Variants in TSEN2 observed in about 807,000 individuals in gnomAD.
TSEN2 encodes tRNA-splicing endonuclease subunit Sen2.
A neutral mutation model predicts 59.2 loss-of-function variants in TSEN2; 54 were observed. The ratio of observed to expected loss-of-function variants is 0.91; its 90% confidence interval spans 0.73 to 1.14. The LOEUF (loss-of-function observed/expected upper bound fraction) is 1.14, where lower values mean the gene tolerates loss of function less well. TSEN2 is among the 50% of genes most tolerant of loss of function. The pLI is 0.00. For missense variants in TSEN2, 636 were observed against 576.2 expected, an observed-to-expected ratio of 1.10 and a Z score of -1.06; for synonymous variants, 195 against 198.2, an observed-to-expected ratio of 0.98 and a Z score of 0.14.
At chr3:12,507,691 C>T (rs564853434) in intron 6 of TSEN2, among the ~76,000 whole-genome samples, 1 of 152,228 alleles carries the variant, frequency 6.6e-6, no homozygotes, top group South Asian at 2.1e-4. Flanking sequence ...AAAGATAGCC[C>T]AGAAATCATT....
chr3:12,528,044 T>G (rs991000322), intron 8 of TSEN2, among the ~76,000 whole-genome samples: 1 of 152,206 alleles, frequency 6.6e-6, no homozygotes, highest in African/African-American at 2.4e-5. Context: ...TCCTCAGTAA[T>G]GGAGCAAACT....
rs145008140 is a variant in TSEN2, at chr3:12,530,857, A to G, written c.1249-713A>G. ...TTTTTTCTTCTCATCATTTCAAGAA[A>G]ACAATGTTGAAGTTTATTTGAAGAC... is the stretch of plus-strand genomic sequence containing the variant. On this transcript the variant is annotated intron_variant, in intron 10 of 11. Coordinates refer to ENST00000284995, the MANE Select transcript of TSEN2 (RefSeq NM_025265.4). The G allele has an allele frequency of 2.2e-4, 156 of 694,190 alleles. 1 individual carries two copies. In the South Asian group the frequency reaches 8.5e-3, roughly 38 times the overall value. The allele number at this position is 694,190 out of a possible 1,614,324, so 43.0% of individuals were successfully genotyped here.
chr3:12,486,225 T>G (rs2052599829), intron 1 of TSEN2, among the ~76,000 whole-genome samples: 1 of 152,184 alleles, frequency 6.6e-6, no homozygotes, highest in Non-Finnish European at 1.5e-5. Context: ...CTCTTCTTAT[T>G]TTACTCACAT....
intron 8 of TSEN2, among the ~76,000 whole-genome samples, chr3:12,519,475 G>A (rs1249704064): frequency 3.9e-5 from 6 of 152,212 alleles, no homozygotes; most frequent in Admixed American, 1.3e-4. Context: ...GCTGAGCGCC[G>A]TGGCTTACGC....
chr3:12,496,631 A>G, intron 4 of TSEN2, 77 bp downstream of exon 4: 1 of 1,435,736 alleles, frequency 7.0e-7, no homozygotes, highest in Non-Finnish European at 9.8e-7. Context: ...TGTCCCATGT[A>G]GCAGTCCAGT....
intron 6 of TSEN2, among the ~76,000 whole-genome samples, chr3:12,507,030 T>TA (rs1320195196): frequency 6.6e-6 from 1 of 151,916 alleles, no homozygotes; most frequent in African/African-American, 2.4e-5. Context: ...CCATCTCTAC[T>TA]AAAAATACAA....
At chr3:12,499,536 A>G (rs1217516134) in intron 4 of TSEN2, among the ~76,000 whole-genome samples, 1 of 152,224 alleles carries the variant, frequency 6.6e-6, no homozygotes, top group Non-Finnish European at 1.5e-5. Context: ...GCTTGCCTGC[A>G]TTACCTCCTT....
At chr3:12,491,556 C>T (rs1485868327) in intron 2 of TSEN2, among the ~76,000 whole-genome samples, 2 of 152,166 alleles carry the variant, frequency 1.3e-5, no homozygotes, top group African/African-American at 2.4e-5. Flanking sequence ...TCTGCCTGCC[C>T]TCGGCTTATC....
chr3:12,531,145 C>T (rs749094065), intron 10 of TSEN2: 12 of 175,112 alleles, frequency 6.9e-5, no homozygotes, highest in Non-Finnish European at 1.3e-4. Flanking sequence ...GGGGACCGTC[C>T]CCCATAATCT....
chr3:12,517,076 G>A (rs1170440418), intron 7 of TSEN2, among the ~76,000 whole-genome samples: 1 of 152,122 alleles, frequency 6.6e-6, no homozygotes, highest in African/African-American at 2.4e-5. Context: ...GGCCGGGCCC[G>A]GTGGCTCACG....
chr3:12,539,261 G>A (rs1575498003), exon 11 of TSEN2: 3 of 374,894 alleles, frequency 8.0e-6, no homozygotes, highest in East Asian at 1.8e-4. Context: ...AGCCTCCTGA[G>A]TAGCTGGGAT....
chr3:12,489,852 A>C lies in TSEN2; in HGVS notation c.52A>C (p.Thr18Pro). The C allele has an allele frequency of 1.2e-6, 2 of 1,614,018 alleles. No individual in the cohort carries two copies. Among genetic ancestry groups the C allele is most frequent in the Non-Finnish European group, 1.7e-6 (2 of 1,180,020 alleles). ...APKRKRRVYETYESPLPIPFG... is the reference protein window; with the variant it reads ...APKRKRRVYEPYESPLPIPFG... ...AAAGAGGAAAAGAAGAGTGTATGAG[A>C]CTTACGAGTCTCCATTGCCAATCCC... is the stretch of plus-strand genomic sequence containing the variant. Residue 18 changes from threonine to proline, a missense_variant, in exon 2 of 12, where the codon ACT becomes CCT. By Grantham distance (38) the Thr-to-Pro change is conservative. Coordinates refer to ENST00000284995, the MANE Select transcript of TSEN2 (RefSeq NM_025265.4).
intron 8 of TSEN2, among the ~76,000 whole-genome samples, chr3:12,524,230 C>T (rs1324654440): frequency 6.6e-6 from 1 of 152,188 alleles, no homozygotes; most frequent in Non-Finnish European, 1.5e-5. Flanking sequence ...CATGCAGGCC[C>T]CTGGCTTTGA....
In TSEN2 at chr3:12,520,172, G is replaced by A. The variant is rs1478514113; in HGVS notation, c.1099+975G>A. ...CGCCATCACACCCGGCTAATTTTTT[G>A]TATTGTTAGTACAGACAAGGTTTCC... On this transcript the variant is annotated intron_variant, in intron 8 of 11. Coordinates refer to ENST00000284995, the MANE Select transcript of TSEN2 (RefSeq NM_025265.4). 2.0e-5 allele frequency among the ~76,000 whole-genome samples: 3 copies of A among 151,990 alleles called. No homozygotes were observed. The East Asian group carries it at 5.8e-4, about 29-fold the overall frequency.
At chr3:12,509,591 G>A (rs1482472234) in intron 6 of TSEN2, among the ~76,000 whole-genome samples, 1 of 152,120 alleles carries the variant, frequency 6.6e-6, no homozygotes, top group East Asian at 1.9e-4. Flanking sequence ...TGTGCTGTTG[G>A]GAAACTGATG....
At chr3:12,481,923 G>GTA (rs10557886), upstream of TSEN2, among the ~76,000 whole-genome samples, 4,760 of 148,248 alleles carry the variant, frequency 0.032, 99 homozygotes, top group Middle Eastern at 0.12. Context: ...GTGTGTCTGC[G>GTA]TATATATATA....
chr3:12,524,439 C>A (rs542069900), intron 8 of TSEN2, among the ~76,000 whole-genome samples: 4 of 152,206 alleles, frequency 2.6e-5, no homozygotes, highest in African/African-American at 9.6e-5. Context: ...CATTCCTTGT[C>A]TCTTCCAGAT....
chr3:12,529,020 A>T (rs2057290181), intron 9 of TSEN2, 96 bp downstream of exon 9: 1 of 1,262,558 alleles, frequency 7.9e-7, no homozygotes. Context: ...AACAAAAGTC[A>T]TGTTCTTCCT....
In TSEN2 at chr3:12,485,938, AAG is replaced by A. The variant is rs565322751; in HGVS notation, c.-18+1060_-18+1061del. On this transcript the variant is annotated intron_variant, in intron 1 of 11. Transcript: ENST00000284995. ...ATGTTGCATCAAAAATATTTGGAAAAAGAAATTTAAAAATATATATATATAAC... is the reference window on the plus strand; with the variant it reads ...ATGTTGCATCAAAAATATTTGGAAAAAAATTTAAAAATATATATATATAAC... Among the ~76,000 whole-genome samples the A allele has an allele frequency of 1.1e-3, 169 of 150,504 alleles. 2 individuals carry two copies. Among genetic ancestry groups the A allele is most frequent in the South Asian group, 7.7e-3 (37 of 4,782 alleles).
Sources: allele counts gnomAD v4.1 joint callset (sites outside exome capture counted in the v4.1 genomes callset), GRCh38; gene constraint gnomAD v4.1.1; transcripts MANE v1.5; gene names NCBI Gene and HGNC (gene_info 2026-07-23, HGNC 2026-07-21).